The following RIN3 variants were observed in gnomAD, a reference collection of about 807,000 sequenced individuals.
RIN3 encodes Ras and Rab interactor 3.
In RIN3, 54 loss-of-function variants were observed where a neutral mutation model predicts 76.3. The observed-to-expected ratio is 0.71, with a 90% CI of 0.57 to 0.89. The LOEUF (loss-of-function observed/expected upper bound fraction) is 0.89. Ranked by LOEUF, RIN3 falls within the 40% of genes least tolerant of loss-of-function variation. The pLI, the probability that RIN3 is intolerant of heterozygous loss-of-function variation, is 0.00. For missense variants in RIN3, 1,256 were observed against 1,322.1 expected (o/e 0.95, Z 0.78); for synonymous variants, 576 against 564.0 (o/e 1.02, Z -0.30).
intron 3 of RIN3, among the ~76,000 whole-genome samples, chr14:92,600,307 G>T (rs745706344): frequency 6.6e-6 from 1 of 152,196 alleles, no homozygotes; most frequent in African/African-American, 2.4e-5. Flanking sequence ...GCACAATCCA[G>T]TGCCCTAACA....
chr14:92,666,451 C>G (rs1888108822), intron 7 of RIN3, among the ~76,000 whole-genome samples: 1 of 152,216 alleles, frequency 6.6e-6, no homozygotes, highest in African/African-American at 2.4e-5. Context: ...GGACCCCAAG[C>G]TTCAGAATCC....
At position 92,688,475 on chromosome 14, in the gene RIN3, T is replaced by G. The variant is rs1474561923; in HGVS notation, c.*223T>G. On this transcript the variant is annotated 3_prime_UTR_variant, in exon 10 of 10. Transcript: ENST00000216487. ...CCTGAGACACCGAGACGGCATGTTC[T>G]TCATTAGACGGAAAGGGAAACTGAG... is the stretch of plus-strand genomic sequence containing the variant. The G allele has an allele frequency of 3.2e-5, 18 of 560,418 alleles. No homozygotes were observed. Among genetic ancestry groups the G allele is most frequent in the Non-Finnish European group, 4.4e-5 (14 of 318,790 alleles). 34.7% of individuals were successfully genotyped at this position (560,418 alleles called of 1,614,324 possible).
chr14:92,540,808 AG>A (rs1897115352), intron 1 of RIN3, among the ~76,000 whole-genome samples: 1 of 152,240 alleles, frequency 6.6e-6, no homozygotes, highest in Non-Finnish European at 1.5e-5. Flanking sequence ...CAGCTAGCCA[AG>A]GGTCGGTTGA....
chr14:92,606,418 G>T (rs977092024), intron 3 of RIN3, among the ~76,000 whole-genome samples: 3 of 151,864 alleles, frequency 2.0e-5, no homozygotes, highest in African/African-American at 7.3e-5. Flanking sequence ...GGTGGTGCAT[G>T]CCTGTAGTTC....
At position 92,651,650 on chromosome 14, in the gene RIN3, GC is replaced by G. The variant is rs752242274; in HGVS notation, c.606del (p.Gly203AspfsTer4). 3 of 1,613,650 alleles carry G rather than the reference GC, an allele frequency of 1.9e-6. No individual in the cohort carries two copies. Among genetic ancestry groups the G allele is most frequent in the Non-Finnish European group, 2.5e-6 (3 of 1,179,762 alleles). ...GKPAEPPRDR[A>X]PGFPLVSSLR... is the part of the protein sequence containing the mutation. ...GCCAGCAGAGCCCCCAAGAGACCGGGCCCCCGGATTCCCCCTAGTCTCCAGC... is the reference window on the plus strand; with the variant it reads ...GCCAGCAGAGCCCCCAAGAGACCGGGCCCCGGATTCCCCCTAGTCTCCAGC... On this transcript the variant is annotated frameshift_variant, in exon 6 of 10. Transcript: ENST00000216487. LOFTEE classifies it high-confidence loss of function.
intron 7 of RIN3, among the ~76,000 whole-genome samples, chr14:92,672,897 A>G (rs1292995941): frequency 6.6e-6 from 1 of 152,178 alleles, no homozygotes; most frequent in Admixed American, 6.6e-5. Context: ...TGGACGTTGC[A>G]TATAGATGGA....
At chr14:92,546,682 T>C (rs1421444471) in intron 1 of RIN3, among the ~76,000 whole-genome samples, 1 of 151,922 alleles carries the variant, frequency 6.6e-6, no homozygotes, top group Non-Finnish European at 1.5e-5. Context: ...GTTATGATAG[T>C]GGGCGTAACT....
intron 3 of RIN3, among the ~76,000 whole-genome samples, chr14:92,578,254 A>C (rs1484832942): frequency 3.9e-5 from 6 of 151,940 alleles, no homozygotes; most frequent in African/African-American, 1.2e-4. Context: ...AAAAAAGAAA[A>C]AAAAGAAAAA....
rs1887085658 is a variant in RIN3, at chr14:92,643,372, A to T, written c.532+2043A>T. 6.6e-6 allele frequency among the ~76,000 whole-genome samples: 1 copy of T among 152,010 alleles called. No homozygotes were observed. The highest frequency in any genetic ancestry group is 2.1e-4 in the South Asian group (1 of 4,814). On this transcript the variant is annotated intron_variant, in intron 5 of 9. Coordinates refer to ENST00000216487, the MANE Select transcript of RIN3 (RefSeq NM_024832.5). The surrounding 1 kb of genome is among the most constrained non-coding windows in gnomAD (Gnocchi z 4.8). Reference sequence around the variant, plus strand: ...CGGCCGCCTCTTAGCTCTTTATCCAAATTCTTCTAGGTCTAATTTACCCAG... The same window carrying T: ...CGGCCGCCTCTTAGCTCTTTATCCATATTCTTCTAGGTCTAATTTACCCAG...
chr14:92,549,503 T>C (rs67868394), intron 1 of RIN3, among the ~76,000 whole-genome samples: 42,632 of 152,180 alleles, frequency 0.28, 6,573 homozygotes, highest in Middle Eastern at 0.4. Context: ...TGTCCCCACA[T>C]TTGGTCAGCT....
chr14:92,596,167 G>A (rs1885142649), intron 3 of RIN3, among the ~76,000 whole-genome samples: 1 of 152,222 alleles, frequency 6.6e-6, no homozygotes, highest in South Asian at 2.1e-4. Context: ...CTGCTGGAAT[G>A]TTCCTTTAAT....
intron 3 of RIN3, among the ~76,000 whole-genome samples, chr14:92,596,218 T>G (rs1041919668): frequency 3.9e-5 from 6 of 152,344 alleles, no homozygotes; most frequent in Non-Finnish European, 7.4e-5. Context: ...CCTACAAAAG[T>G]AGGATCCCCC....
Position 92,601,095 on chromosome 14 carries a change from A to G in RIN3, c.368-14312A>G, listed in dbSNP as rs374793463. On this transcript the variant is annotated intron_variant, in intron 3 of 9. Transcript: ENST00000216487. ...GACTTTGAGCACTTAATAGGAAAAAAATATGAAATGTCCTATTAGTAATTT... is the reference window on the plus strand; with the variant it reads ...GACTTTGAGCACTTAATAGGAAAAAGATATGAAATGTCCTATTAGTAATTT... Among the ~76,000 whole-genome samples, 140 of 152,344 alleles carry G rather than the reference A, an allele frequency of 9.2e-4. 2 individuals carry two copies. In the South Asian group the frequency reaches 0.028, roughly 30 times the overall value.
At chr14:92,588,105 C>A (rs775167740) in intron 3 of RIN3, among the ~76,000 whole-genome samples, 6 of 151,862 alleles carry the variant, frequency 4.0e-5, no homozygotes, top group Non-Finnish European at 8.8e-5. Context: ...GAGGGAGGAG[C>A]TCTCATGGCC....
intron 1 of RIN3, among the ~76,000 whole-genome samples, chr14:92,545,081 A>C (rs1237658716): frequency 1.3e-5 from 2 of 149,056 alleles, no homozygotes; most frequent in African/African-American, 2.5e-5. Context: ...TTGCTTTTTA[A>C]AACGTTTTCT....
intron 5 of RIN3, among the ~76,000 whole-genome samples, chr14:92,651,233 C>T (rs1887405276): frequency 6.6e-6 from 1 of 152,128 alleles, no homozygotes; most frequent in Non-Finnish European, 1.5e-5. Flanking sequence ...CCATGCCTTC[C>T]CCACGGCTCC....
At chr14:92,553,908 A>G (rs1897505919) in intron 1 of RIN3, among the ~76,000 whole-genome samples, 1 of 152,122 alleles carries the variant, frequency 6.6e-6, no homozygotes, top group African/African-American at 2.4e-5. Context: ...CCCTGCCTTC[A>G]GGGGTGGTTC....
intron 3 of RIN3, among the ~76,000 whole-genome samples, chr14:92,590,123 G>A (rs915354614): frequency 6.6e-6 from 1 of 152,182 alleles, no homozygotes; most frequent in African/African-American, 2.4e-5. Context: ...TCATCTAGGG[G>A]CCTCCACACT....
At chr14:92,608,262 C>T (rs796547522) in intron 3 of RIN3, among the ~76,000 whole-genome samples, 18 of 152,304 alleles carry the variant, frequency 1.2e-4, no homozygotes, top group African/African-American at 3.8e-4. Flanking sequence ...GATGTTACCA[C>T]TGGGGGGAAC....
Sources: gnomAD v4.1 joint callset for allele counts (sites outside exome capture counted in the v4.1 genomes callset) on GRCh38, gnomAD v4.1.1 for gene constraint, Gnocchi (gnomAD v3.1) non-coding constraint, MANE v1.5 for transcripts, NCBI Gene and HGNC (gene_info 2026-07-23, HGNC 2026-07-21) for gene names.